Variants in SGK1 observed in about 807,000 individuals in gnomAD.
SGK1 encodes the protein serine/threonine-protein kinase Sgk1.
A neutral mutation model predicts 64.2 loss-of-function variants in SGK1; 26 were observed. The ratio of observed to expected loss-of-function variants is 0.40; its 90% CI spans 0.30 to 0.56. The LOEUF (loss-of-function observed/expected upper bound fraction) is 0.56, where lower values mean the gene tolerates loss of function less well. Among genes scored for constraint, SGK1 ranks in the 20% least tolerant of loss-of-function variants. The pLI is 0.38. For missense variants in SGK1, 519 were observed against 645.6 expected (o/e 0.80, Z 2.12); for synonymous variants, 265 against 239.7 (o/e 1.11, Z -0.98).
intron 1 of SGK1, among the ~76,000 whole-genome samples, chr6:134,266,364 T>C (rs1389616845): frequency 6.6e-6 from 1 of 152,054 alleles, no homozygotes; most frequent in African/African-American, 2.4e-5. Flanking sequence ...ATCCCAGCAC[T>C]TTGGGTTTGG....
At chr6:134,175,671 G>A (rs1472075816) in intron 3 of SGK1, 1 of 1,487,358 alleles carries the variant, frequency 6.7e-7, no homozygotes, top group East Asian at 2.7e-5. Flanking sequence ...TGGGCAGCGG[G>A]CGGCGGGGCG....
chr6:134,226,770 C>A (rs1776188526), intron 2 of SGK1, among the ~76,000 whole-genome samples: 1 of 152,106 alleles, frequency 6.6e-6, no homozygotes, highest in Non-Finnish European at 1.5e-5. Context: ...AGCCTAGACT[C>A]CAGCTCCTGG....
chr6:134,197,437 G>A (rs1250820578), intron 3 of SGK1, among the ~76,000 whole-genome samples: 1 of 152,068 alleles, frequency 6.6e-6, no homozygotes, highest in Non-Finnish European at 1.5e-5. Flanking sequence ...GGCATAAAAA[G>A]TTATGACCAG....
intron 3 of SGK1, 77 bp downstream of exon 3, chr6:134,207,279 C>T: frequency 1.1e-6 from 1 of 889,786 alleles, no homozygotes; most frequent in Non-Finnish European, 1.8e-6. Flanking sequence ...CCCCCCAAAC[C>T]TTGCCTTTGT....
In SGK1 at chr6:134,170,021, C is replaced by CT. The variant is rs567739003; in HGVS notation, c.*246dup. On this transcript the variant is annotated 3_prime_UTR_variant, in exon 14 of 14. Coordinates refer to ENST00000367858, the MANE Select transcript of SGK1 (RefSeq NM_001143676.3). ...TCCTGCCTCCGTCTAAGGCGGCACTCTAACGCTCGTTTCAGAGATAGCACC... is the reference window on the plus strand; with the variant it reads ...TCCTGCCTCCGTCTAAGGCGGCACTCTTAACGCTCGTTTCAGAGATAGCACC... 253 of 312,674 alleles carry CT rather than the reference C, an allele frequency of 8.1e-4. 1 individual carries two copies. Among genetic ancestry groups the CT allele is most frequent in the African/African-American group, 4.8e-3 (229 of 48,120 alleles). 19.4% of individuals were successfully genotyped at this position (312,674 alleles called of 1,614,324 possible).
chr6:134,181,751 G>A (rs1341706516), intron 3 of SGK1, among the ~76,000 whole-genome samples: 1 of 152,226 alleles, frequency 6.6e-6, no homozygotes, highest in East Asian at 1.9e-4. Flanking sequence ...CTGTGTGCCA[G>A]TTGTAACAAC....
In SGK1 at chr6:134,243,176, GAATT is replaced by G. The variant is rs1468969521; in HGVS notation, c.285+18753_285+18756del. Among the ~76,000 whole-genome samples, 6 of 152,068 alleles carry G rather than the reference GAATT, an allele frequency of 3.9e-5. No individual in the cohort carries two copies. In the East Asian group the frequency reaches 7.7e-4, roughly 20 times the overall value. On this transcript the variant is annotated intron_variant, in intron 2 of 13. Coordinates refer to ENST00000367858, the MANE Select transcript of SGK1 (RefSeq NM_001143676.3). ...TAGAAAATATAGAATCAATGATAAT[GAATT>G]AATAAGAAAATAAAAAATATATTCC...
intron 3 of SGK1, among the ~76,000 whole-genome samples, chr6:134,181,203 A>G (rs1229388267): frequency 6.6e-6 from 1 of 152,200 alleles, no homozygotes; most frequent in Non-Finnish European, 1.5e-5. Context: ...TTTCACCCCC[A>G]CTTTATTTAC....
At chr6:134,294,865 G>A (rs1399467815) in intron 1 of SGK1, among the ~76,000 whole-genome samples, 1 of 152,174 alleles carries the variant, frequency 6.6e-6, no homozygotes, top group Non-Finnish European at 1.5e-5. Context: ...ACAAAGTCTA[G>A]AGGAAAGCTA....
intron 1 of SGK1, among the ~76,000 whole-genome samples, chr6:134,315,515 A>G (rs957266040): frequency 1.3e-5 from 2 of 152,252 alleles, no homozygotes; most frequent in African/African-American, 4.8e-5. Context: ...TAAGCAAAAC[A>G]AAACCAAATG....
chr6:134,261,626 C>G (rs894760711), intron 2 of SGK1: 12 of 577,440 alleles, frequency 2.1e-5, no homozygotes, highest in African/African-American at 5.6e-5. Flanking sequence ...TGAACTCTAA[C>G]ATAAAACTCT....
At chr6:134,242,902 G>A (rs1468051674) in intron 2 of SGK1, among the ~76,000 whole-genome samples, 18 of 152,120 alleles carry the variant, frequency 1.2e-4, no homozygotes, top group Admixed American at 1.2e-3. Flanking sequence ...TGATTCTCAT[G>A]TCTTCCAAAT....
chr6:134,305,022 C>T lies in SGK1; in HGVS notation c.69+12370G>A, dbSNP rs150741479. 2.8e-3 allele frequency among the ~76,000 whole-genome samples: 420 copies of T among 152,218 alleles called. 4 individuals carry two copies. The highest frequency in any genetic ancestry group is 9.5e-3 in the African/African-American group (393 of 41,536). ...GCACTTTACTACATGGATCCCTTTA[C>T]AGGGAACAGTGAATGATAGAGAAGA... On this transcript the variant is annotated intron_variant, in intron 1 of 13. Coordinates refer to ENST00000367858, the MANE Select transcript of SGK1 (RefSeq NM_001143676.3).
intron 2 of SGK1, among the ~76,000 whole-genome samples, chr6:134,220,058 CAAAAAAAAAAAA>C (rs55870107): frequency 6.2e-4 from 38 of 61,348 alleles, no homozygotes; most frequent in South Asian, 1.5e-3. Context: ...GACTCCGTCT[CAAAAAAAAAAAA>C]AAAAAAAAAA....
rs780468606 is a variant in SGK1, at chr6:134,262,123, A to G, written c.95T>C (p.Met32Thr). Residue 32 changes from methionine to threonine, a missense_variant, in exon 2 of 14, where the codon ATG becomes ACG. Coordinates refer to ENST00000367858, the MANE Select transcript of SGK1 (RefSeq NM_001143676.3). ...KRVRRWIKSP[M>T]VSVDKHQSPS... ...ACTCTGATGCTTGTCCACACTGACC[A>G]TTGGGCTCTTGATCCACCTTCGTAC... 19 of 1,593,248 alleles carry G rather than the reference A, an allele frequency of 1.2e-5. No individual in the cohort carries two copies. The highest frequency in any genetic ancestry group is 1.6e-5 in the Non-Finnish European group (19 of 1,165,682).
At chr6:134,235,536 GATATTTTTATTT>G (rs1562260607) in intron 2 of SGK1, among the ~76,000 whole-genome samples, 1 of 28,742 alleles carries the variant, frequency 3.5e-5, no homozygotes, top group African/African-American at 8.1e-5. Flanking sequence ...GGAAAAAATA[GATATTTTTATTT>G]ATTTATTTAT....
At chr6:134,208,653 A>G (rs989301983) in intron 2 of SGK1, among the ~76,000 whole-genome samples, 4 of 151,986 alleles carry the variant, frequency 2.6e-5, no homozygotes, top group Non-Finnish European at 5.9e-5. Flanking sequence ...TTCCTGAGTT[A>G]CTTCACTTAG....
At chr6:134,216,098 T>C (rs1007190516) in intron 2 of SGK1, among the ~76,000 whole-genome samples, 1 of 152,194 alleles carries the variant, frequency 6.6e-6, no homozygotes, top group Non-Finnish European at 1.5e-5. Context: ...TTTCTTTTTA[T>C]AAAAAAATCA....
intron 3 of SGK1, among the ~76,000 whole-genome samples, chr6:134,202,043 A>G (rs917242055): frequency 1.3e-5 from 2 of 152,202 alleles, no homozygotes; most frequent in African/African-American, 4.8e-5. Flanking sequence ...CTCTAGGCAC[A>G]TCATAGTCAA....
Sources: allele counts gnomAD v4.1 joint callset (sites outside exome capture counted in the v4.1 genomes callset), GRCh38; gene constraint gnomAD v4.1.1; transcripts MANE v1.5; gene names NCBI Gene and HGNC (gene_info 2026-07-23, HGNC 2026-07-21).